ACKR3: variants seen among roughly 807,000 people sequenced by gnomAD.
ACKR3 encodes C-X-C chemokine receptor type 7.
Under a neutral mutation model 22.4 loss-of-function variants are expected in ACKR3, and 6 were observed. The observed-to-expected ratio is 0.27, with a 90% CI of 0.15 to 0.53. ACKR3 has a LOEUF of 0.53. Among genes scored for constraint, ACKR3 ranks in the 20% least tolerant of loss-of-function variants. ACKR3 has a pLI of 0.96. For missense variants in ACKR3, 396 were observed against 475.2 expected, an observed-to-expected ratio of 0.83 and a Z score of 1.55; for synonymous variants, 209 against 205.2, an observed-to-expected ratio of 1.02 and a Z score of -0.16.
chr2:236,539,533 G>A, the ACKR3 span, among the ~76,000 whole-genome samples: 2 of 151,620 alleles, frequency 1.3e-5, no homozygotes, highest in African/African-American at 2.4e-5. Context: ...GGCTGGTCTC[G>A]AACTCCTAAC....
At chr2:236,556,787 C>G in the ACKR3 span, among the ~76,000 whole-genome samples, 1 of 152,222 alleles carries the variant, frequency 6.6e-6, no homozygotes, top group East Asian at 1.9e-4. Context: ...CTCCCAGGTT[C>G]AAGTGATTCT....
chr2:236,557,357 C>T, the ACKR3 span, among the ~76,000 whole-genome samples: 1 of 151,988 alleles, frequency 6.6e-6, no homozygotes, highest in South Asian at 2.1e-4. Flanking sequence ...AAGGAGCACA[C>T]TTTGCACCCA....
intron 1 of ACKR3, among the ~76,000 whole-genome samples, chr2:236,579,101 C>T (rs534810693): frequency 3.3e-5 from 5 of 152,304 alleles, no homozygotes; most frequent in African/African-American, 1.2e-4. Context: ...GCCAGAATCC[C>T]AACCCAGGAA....
the ACKR3 span, among the ~76,000 whole-genome samples, chr2:236,560,791 G>A: frequency 6.6e-6 from 1 of 152,134 alleles, no homozygotes; most frequent in East Asian, 1.9e-4. Flanking sequence ...GAGTTTTACA[G>A]CTTCAGATCT....
upstream of ACKR3, among the ~76,000 whole-genome samples, chr2:236,566,301 G>A (rs1205534477): frequency 6.6e-6 from 1 of 152,200 alleles, no homozygotes; most frequent in Non-Finnish European, 1.5e-5. Flanking sequence ...TAAGCACTCA[G>A]GGGTAGCAAA....
At chr2:236,543,121 A>T in the ACKR3 span, among the ~76,000 whole-genome samples, 3 of 152,202 alleles carry the variant, frequency 2.0e-5, no homozygotes, top group African/African-American at 7.2e-5. Flanking sequence ...TGCTACTTGG[A>T]CATATATTTT....
At chr2:236,566,711 T>TTCCC, upstream of ACKR3, among the ~76,000 whole-genome samples, 3 of 105,142 alleles carry the variant, frequency 2.9e-5, 1 homozygote, top group East Asian at 6.3e-4. Context: ...CTTTCCTTCC[T>TTCCC]TTCCTTCCCT....
chr2:236,575,305 A>G (rs572990275), intron 1 of ACKR3, among the ~76,000 whole-genome samples: 6 of 152,224 alleles, frequency 3.9e-5, no homozygotes, highest in East Asian at 1.9e-4. Flanking sequence ...GTCTTTTTCT[A>G]TGCCTTCGTG....
the ACKR3 span, among the ~76,000 whole-genome samples, chr2:236,546,416 T>G: frequency 6.6e-6 from 1 of 152,226 alleles, no homozygotes; most frequent in Non-Finnish European, 1.5e-5. The surrounding 1 kb of genome is among the most constrained non-coding windows in gnomAD (Gnocchi z 4.9). Flanking sequence ...ATTGTGATTT[T>G]TACTACATAG....
At chr2:236,559,699 A>T in the ACKR3 span, among the ~76,000 whole-genome samples, 1 of 152,240 alleles carries the variant, frequency 6.6e-6, no homozygotes, top group Non-Finnish European at 1.5e-5. Context: ...CAGTGGGAAC[A>T]CAAAACATTT....
chr2:236,554,580 CCTGGGTG>C, the ACKR3 span, among the ~76,000 whole-genome samples: 4 of 152,150 alleles, frequency 2.6e-5, no homozygotes, highest in Admixed American at 2.6e-4. Flanking sequence ...TGCAGCACTC[CCTGGGTG>C]CCAGAAACCT....
upstream of ACKR3, among the ~76,000 whole-genome samples, chr2:236,564,707 C>T (rs1437801664): frequency 1.3e-5 from 2 of 152,088 alleles, no homozygotes; most frequent in East Asian, 1.9e-4. Context: ...GACTTAACAC[C>T]CTCTGCTATA....
chr2:236,567,669 C>G (rs1305300492), upstream of ACKR3: 2 of 152,334 alleles, frequency 1.3e-5, no homozygotes, highest in Non-Finnish European at 2.9e-5. Flanking sequence ...CCAGAGTTCC[C>G]GACCCACCCC....
chr2:236,537,891 G>A, the ACKR3 span, among the ~76,000 whole-genome samples: 2 of 152,102 alleles, frequency 1.3e-5, no homozygotes, highest in African/African-American at 4.8e-5. Context: ...GCTCTTTCAA[G>A]CAAGCAAGCA....
rs538899048 is a variant in ACKR3 at position 236,577,083 on chromosome 2, G to A, written c.-26-3357G>A. Among the ~76,000 whole-genome samples, 2 of 152,306 alleles carry A rather than the reference G, an allele frequency of 1.3e-5. No individual in the cohort carries two copies. The highest frequency in any genetic ancestry group is 1.9e-4 in the East Asian group (1 of 5,156). ...GGCCTCTGGCTTTGTTTCCTGGCCA[G>A]CCCCAGTGTGGGCTGCTGTTCCTTG... On this transcript the variant is annotated intron_variant, in intron 1 of 1. Transcript: ENST00000272928. The surrounding 1 kb of genome is among the most constrained non-coding windows in gnomAD (Gnocchi z 5.6).
At position 236,581,183 on chromosome 2, in the gene ACKR3, T is replaced by A; in HGVS notation, c.718T>A (p.Ser240Thr). 1 of 1,613,724 alleles carries A rather than the reference T, an allele frequency of 6.2e-7. No homozygotes were observed. The highest frequency in any genetic ancestry group is 1.3e-5 in the African/African-American group (1 of 75,052). Residue 240 changes from serine (S) to threonine (T), a missense_variant, in exon 2 of 2, where the codon TCG becomes ACG. Coordinates refer to ENST00000272928, the MANE Select transcript of ACKR3 (RefSeq NM_020311.3). The surrounding 1 kb of genome is among the most constrained non-coding windows in gnomAD (Gnocchi z 4.4). ...VFYFLLARAI[S>T]ASSDQEKHSS... The stretch of plus-strand genomic sequence containing the variant: ...CTACTTCCTGCTGGCCAGAGCCATC[T>A]CGGCGTCCAGTGACCAGGAGAAGCA...
At chr2:236,566,953 T>G (rs572441562), upstream of ACKR3, among the ~76,000 whole-genome samples, 156 of 118,594 alleles carry the variant, frequency 1.3e-3, no homozygotes, top group East Asian at 8.1e-3. Flanking sequence ...CTGCCTGCCT[T>G]CCTTCCTTCC....
chr2:236,556,720 A>G, the ACKR3 span, among the ~76,000 whole-genome samples: 11 of 152,074 alleles, frequency 7.2e-5, no homozygotes, highest in Non-Finnish European at 1.6e-4. Context: ...ACGGAGTCTC[A>G]CTCTGTTGCC....
chr2:236,576,616 A>G (rs1292710490), intron 1 of ACKR3, among the ~76,000 whole-genome samples: 4 of 152,248 alleles, frequency 2.6e-5, no homozygotes, highest in Non-Finnish European at 5.9e-5. Flanking sequence ...CTTTGCTCCA[A>G]TAGTGGACGC....
Sources: gnomAD v4.1 joint callset for allele counts (sites outside exome capture counted in the v4.1 genomes callset) on GRCh38, gnomAD v4.1.1 for gene constraint, Gnocchi (gnomAD v3.1) non-coding constraint, MANE v1.5 for transcripts, NCBI Gene and HGNC (gene_info 2026-07-23, HGNC 2026-07-21) for gene names.